The following USP33 variants were observed in gnomAD, a reference collection of about 807,000 sequenced individuals.
USP33 encodes ubiquitin carboxyl-terminal hydrolase 33.
Under a neutral mutation model 124.2 loss-of-function variants are expected in USP33, and 46 were observed. The observed-to-expected ratio is 0.37, with a 90% CI of 0.29 to 0.47. USP33 has a LOEUF of 0.47. Ranked by LOEUF, USP33 falls within the 20% of genes least tolerant of loss-of-function variation. The probability of loss-of-function intolerance (pLI) is 0.99; values close to 1 mark genes in which losing one functional copy is unlikely to be tolerated. For missense variants in USP33, 851 were observed against 1,070.6 expected (o/e 0.79, Z 2.86); for synonymous variants, 350 against 352.3 (o/e 0.99, Z 0.07).
intron 1 of USP33, chr1:77,746,404 A>G (rs1402920983): frequency 6.6e-6 from 1 of 152,270 alleles, no homozygotes; most frequent in Non-Finnish European, 1.5e-5. Flanking sequence ...CCAACCAAAA[A>G]AAGTCCAGGA....
intron 18 of USP33, 41 bp downstream of exon 18, chr1:77,715,701 T>C: frequency 4.4e-6 from 7 of 1,597,060 alleles, no homozygotes; most frequent in East Asian, 2.2e-5. Flanking sequence ...AAGCCCAAAA[T>C]GTGAGAGATG....
intron 10 of USP33, 148 bp downstream of exon 10, chr1:77,728,147 G>A (rs530595504): frequency 1.9e-4 from 150 of 796,984 alleles, no homozygotes; most frequent in South Asian, 5.0e-4. Flanking sequence ...TTTTATCCTC[G>A]GGTTCTATAA....
intron 1 of USP33, among the ~76,000 whole-genome samples, chr1:77,752,904 C>A (rs1460523924): frequency 6.6e-6 from 1 of 151,748 alleles, no homozygotes; most frequent in Non-Finnish European, 1.5e-5. Context: ...ATGGTGAAAC[C>A]CTGTCTCTAC....
At chr1:77,727,748 G>C (rs1326930035) in intron 10 of USP33, among the ~76,000 whole-genome samples, 1 of 152,166 alleles carries the variant, frequency 6.6e-6, no homozygotes, top group Non-Finnish European at 1.5e-5. Context: ...TTTAAGCCAA[G>C]ATAAGTTAAC....
intron 7 of USP33, among the ~76,000 whole-genome samples, chr1:77,731,751 G>C (rs907868550): frequency 6.6e-6 from 1 of 151,834 alleles, no homozygotes; most frequent in Non-Finnish European, 1.5e-5. Context: ...AAGCAGTATT[G>C]TGCAGTAATA....
At chr1:77,742,268 T>C (rs987055738) in intron 1 of USP33, among the ~76,000 whole-genome samples, 35 of 152,222 alleles carry the variant, frequency 2.3e-4, no homozygotes, top group Middle Eastern at 6.8e-3. Context: ...GCACTTTATA[T>C]CAGGGTTTCT....
At chr1:77,735,179 T>A (rs1678295537) in intron 6 of USP33, among the ~76,000 whole-genome samples, 1 of 152,084 alleles carries the variant, frequency 6.6e-6, no homozygotes, top group Non-Finnish European at 1.5e-5. Flanking sequence ...AGGAAACTGC[T>A]GACAATCTAC....
intron 15 of USP33, 108 bp downstream of exon 15, chr1:77,721,064 G>T: frequency 8.3e-7 from 1 of 1,205,800 alleles, no homozygotes; most frequent in Non-Finnish European, 1.2e-6. Context: ...AAACCTTTCT[G>T]GCCTACATTT....
At chr1:77,757,317 C>G (rs533099391) in intron 1 of USP33, among the ~76,000 whole-genome samples, 12 of 152,314 alleles carry the variant, frequency 7.9e-5, no homozygotes, top group African/African-American at 2.9e-4. Flanking sequence ...TTCCAAAGGG[C>G]CTTGTCCTGG....
intron 21 of USP33, among the ~76,000 whole-genome samples, chr1:77,704,672 T>C (rs1233548825): frequency 2.0e-5 from 3 of 152,160 alleles, no homozygotes; most frequent in African/African-American, 7.2e-5. Context: ...CTTCCTTCTG[T>C]TTATCTTTTT....
chr1:77,755,215 G>A (rs1025276453), intron 1 of USP33, among the ~76,000 whole-genome samples: 15 of 152,088 alleles, frequency 9.9e-5, no homozygotes, highest in Non-Finnish European at 2.9e-5. Context: ...TAAATCTTCA[G>A]TTCAGCTTGT....
chr1:77,709,206 T>A (rs1674960665), intron 21 of USP33, among the ~76,000 whole-genome samples: 2 of 152,164 alleles, frequency 1.3e-5, no homozygotes, highest in Admixed American at 1.3e-4. Flanking sequence ...TGAGGTTATA[T>A]GTTACTGTAA....
At chr1:77,749,664 G>C (rs1162782371) in intron 1 of USP33, among the ~76,000 whole-genome samples, 2 of 152,156 alleles carry the variant, frequency 1.3e-5, no homozygotes, top group Non-Finnish European at 2.9e-5. Flanking sequence ...TTACAGGCAT[G>C]AATCACTGCA....
chr1:77,746,471 C>A (rs1294913985), intron 1 of USP33: 1 of 152,174 alleles, frequency 6.6e-6, no homozygotes, highest in Non-Finnish European at 1.5e-5. Context: ...TGGTACCATT[C>A]CTTCTGAAAC....
At chr1:77,757,940 T>C (rs1391211346) in intron 1 of USP33, among the ~76,000 whole-genome samples, 1 of 152,202 alleles carries the variant, frequency 6.6e-6, no homozygotes, top group African/African-American at 2.4e-5. Flanking sequence ...AATTATCATC[T>C]CAATTCTGAA....
chr1:77,720,185 AAAAAAAAAAC>A, intron 15 of USP33: 4 of 467,688 alleles, frequency 8.6e-6, no homozygotes, highest in Non-Finnish European at 1.1e-5. Flanking sequence ...AAAAAAAAAA[AAAAAAAAAAC>A]CTTTATTCTT....
chr1:77,710,548 A>G (rs1049892644), intron 21 of USP33, among the ~76,000 whole-genome samples: 9 of 152,266 alleles, frequency 5.9e-5, no homozygotes, highest in African/African-American at 2.2e-4. Context: ...AAGCCCATGT[A>G]AAATAAATAA....
chr1:77,711,325 G>A (rs906356935), intron 21 of USP33, among the ~76,000 whole-genome samples: 15 of 152,102 alleles, frequency 9.9e-5, no homozygotes, highest in African/African-American at 3.1e-4. Flanking sequence ...TCAGGAGTTC[G>A]AGACCAGCAT....
At chr1:77,719,906 A>C (rs1333895419) in intron 15 of USP33, among the ~76,000 whole-genome samples, 1 of 151,544 alleles carries the variant, frequency 6.6e-6, no homozygotes, top group East Asian at 1.9e-4. Flanking sequence ...TCACGCTTGT[A>C]ATCTCAGCAT....
Sources: gnomAD v4.1 joint callset for allele counts (sites outside exome capture counted in the v4.1 genomes callset) on GRCh38, gnomAD v4.1.1 for gene constraint, MANE v1.5 for transcripts, NCBI Gene and HGNC (gene_info 2026-07-23, HGNC 2026-07-21) for gene names.